DACH2: variants seen among roughly 807,000 people sequenced by gnomAD.
The protein encoded by DACH2 is dachshund family transcription factor 2, also known as dachshund homolog 2.
Under a neutral mutation model 35.8 loss-of-function variants are expected in DACH2, and 17 were observed. The ratio of observed to expected loss-of-function variants is 0.48; its 90% CI spans 0.33 to 0.71. The LOEUF (loss-of-function observed/expected upper bound fraction) is 0.71, where lower values mean the gene tolerates loss of function less well. DACH2 is among the 30% of genes least tolerant of loss of function. The probability of loss-of-function intolerance (pLI) is 0.02; values close to 1 mark genes in which losing one functional copy is unlikely to be tolerated. For missense variants in DACH2, 469 were observed against 472.7 expected (o/e 0.99, Z 0.07); for synonymous variants, 195 against 177.3 (o/e 1.10, Z -0.79).
At chrX:86,629,495 A>T (rs1031176033) in intron 3 of DACH2, among the ~76,000 whole-genome samples, 3 of 111,675 alleles carry the variant, frequency 2.7e-5, no homozygotes, top group Non-Finnish European at 5.6e-5. Context: ...AAATTTTCTT[A>T]AACAAGAAGA....
At chrX:86,420,297 A>G (rs2036780530) in intron 2 of DACH2, among the ~76,000 whole-genome samples, 1 of 112,182 alleles carries the variant, frequency 8.9e-6, no homozygotes, top group Non-Finnish European at 1.9e-5. Flanking sequence ...CCTGAAAAAG[A>G]TATTTTTCTT....
chrX:86,310,785 A>T (rs1487568310), intron 1 of DACH2, among the ~76,000 whole-genome samples: 1 of 111,639 alleles, frequency 9.0e-6, no homozygotes. Context: ...AACTGTGAAG[A>T]TATTTGTATC....
Position 86,536,738 on chromosome X carries a change from C to A in DACH2, c.640+22347C>A, listed in dbSNP as rs1038822052. ...ATACCTTATATGTATTAATTTATGTCTTTCCTGTAACATCTGTCTCCTCAA... is the reference window on the plus strand; with the variant it reads ...ATACCTTATATGTATTAATTTATGTATTTCCTGTAACATCTGTCTCCTCAA... On this transcript the variant is annotated intron_variant, in intron 3 of 11. Transcript: ENST00000373125. Among the ~76,000 whole-genome samples, 17 of 111,828 alleles carry A rather than the reference C, an allele frequency of 1.5e-4. 1 individual carries two copies. The highest frequency in any genetic ancestry group is 1.1e-3 in the East Asian group (4 of 3,540).
At chrX:86,223,578 CT>C (rs1403593014) in intron 1 of DACH2, among the ~76,000 whole-genome samples, 2 of 111,011 alleles carry the variant, frequency 1.8e-5, no homozygotes, top group African/African-American at 6.5e-5. Flanking sequence ...AATGAACATC[CT>C]TTTTTCTTTT....
chrX:86,338,132 C>A (rs1456794697), intron 1 of DACH2, among the ~76,000 whole-genome samples: 1 of 111,322 alleles, frequency 9.0e-6, no homozygotes, highest in African/African-American at 3.3e-5. Flanking sequence ...CTTTAACATC[C>A]CACTGTAAGT....
At chrX:86,203,022 A>G (rs1191745318) in intron 1 of DACH2, among the ~76,000 whole-genome samples, 1 of 111,102 alleles carries the variant, frequency 9.0e-6, no homozygotes, top group African/African-American at 3.3e-5. Context: ...CATTCCAGTA[A>G]CATTTGGGAG....
intron 3 of DACH2, among the ~76,000 whole-genome samples, chrX:86,637,842 A>T (rs748206418): frequency 1.8e-5 from 2 of 111,530 alleles, no homozygotes; most frequent in South Asian, 3.8e-4. Context: ...ATTTACCGAC[A>T]TACTAAACCT....
At chrX:86,529,219 A>T (rs1451727866) in intron 3 of DACH2, among the ~76,000 whole-genome samples, 5 of 111,089 alleles carry the variant, frequency 4.5e-5, no homozygotes, top group African/African-American at 1.6e-4. Flanking sequence ...AAATTTTTAA[A>T]TTTTTTGTAA....
chrX:86,749,491 G>C (rs2041749424), intron 7 of DACH2, among the ~76,000 whole-genome samples: 2 of 111,376 alleles, frequency 1.8e-5, no homozygotes, highest in Non-Finnish European at 3.8e-5. Flanking sequence ...GAAATGGGGG[G>C]ACGACAGGTC....
intron 1 of DACH2, among the ~76,000 whole-genome samples, chrX:86,295,618 C>T (rs1033015926): frequency 3.6e-5 from 4 of 111,230 alleles, no homozygotes; most frequent in Non-Finnish European, 7.5e-5. Flanking sequence ...CAATTCCCCT[C>T]TGACTAGGGC....
At chrX:86,275,919 T>C (rs2033908159) in intron 1 of DACH2, among the ~76,000 whole-genome samples, 1 of 112,495 alleles carries the variant, frequency 8.9e-6, no homozygotes, top group South Asian at 3.7e-4. Context: ...ACTATTCCAT[T>C]ATGTATATGT....
chrX:86,733,640 G>C (rs2041559112), intron 6 of DACH2, among the ~76,000 whole-genome samples: 1 of 110,998 alleles, frequency 9.0e-6, no homozygotes, highest in African/African-American at 3.3e-5. Context: ...TCTATTTGTG[G>C]GAAACTGTAT....
At chrX:86,157,146 G>T (rs1431744458) in intron 1 of DACH2, among the ~76,000 whole-genome samples, 1 of 111,195 alleles carries the variant, frequency 9.0e-6, no homozygotes, top group Non-Finnish European at 1.9e-5. Context: ...AAAGTATATG[G>T]TACAGGAAAG....
At chrX:86,412,291 G>A (rs2036627479) in intron 2 of DACH2, among the ~76,000 whole-genome samples, 1 of 111,433 alleles carries the variant, frequency 9.0e-6, no homozygotes, top group Non-Finnish European at 1.9e-5. Context: ...TGGATCACTA[G>A]GGGTGATGGT....
At chrX:86,502,011 T>TCTCCTTCCTTCC (rs1464785461) in intron 2 of DACH2, among the ~76,000 whole-genome samples, 7 of 95,532 alleles carry the variant, frequency 7.3e-5, no homozygotes, top group African/African-American at 2.7e-4. Flanking sequence ...TCTTTCCTTC[T>TCTCCTTCCTTCC]TTCCTTCCTT....
At chrX:86,182,471 G>A (rs1452321445) in intron 1 of DACH2, among the ~76,000 whole-genome samples, 1 of 111,662 alleles carries the variant, frequency 9.0e-6, no homozygotes, top group Non-Finnish European at 1.9e-5. Flanking sequence ...GTTTTTGTCA[G>A]GTTTGTCAAA....
intron 5 of DACH2, among the ~76,000 whole-genome samples, chrX:86,713,582 T>A (rs1417119943): frequency 8.9e-6 from 1 of 111,929 alleles, no homozygotes; most frequent in Non-Finnish European, 1.9e-5. Context: ...AGACTACTGA[T>A]TTCTGGGCTT....
chrX:86,804,728 G>T (rs1045359833), intron 7 of DACH2, among the ~76,000 whole-genome samples: 45 of 103,077 alleles, frequency 4.4e-4, no homozygotes, highest in African/African-American at 1.6e-3. Context: ...GAAAGAAATT[G>T]TCCAGAAGAA....
rs771604828 is a variant in DACH2, at chrX:86,239,746, GTT to G, written c.488+90641_488+90642del. On this transcript the variant is annotated intron_variant, in intron 1 of 11. Coordinates refer to ENST00000373125, the MANE Select transcript of DACH2 (RefSeq NM_053281.3). Reference sequence around the variant, plus strand: ...ATTGCTGTATCATAGACTTAGTCTTGTTTTAAGCTTTAGTAGATGATGCCATA... The same window carrying G: ...ATTGCTGTATCATAGACTTAGTCTTGTTAAGCTTTAGTAGATGATGCCATA... 4.5e-5 allele frequency among the ~76,000 whole-genome samples: 5 copies of G among 111,848 alleles called. No homozygotes were observed. In the South Asian group the frequency reaches 1.8e-3, roughly 41 times the overall value.
Sources: allele counts gnomAD v4.1 joint callset (sites outside exome capture counted in the v4.1 genomes callset), GRCh38; gene constraint gnomAD v4.1.1; transcripts MANE v1.5; gene names NCBI Gene and HGNC (gene_info 2026-07-23, HGNC 2026-07-21).